The following STAU1 variants were observed in gnomAD, a reference collection of about 807,000 sequenced individuals.
The protein encoded by STAU1 is staufen double-stranded RNA binding protein 1, also known as double-stranded RNA-binding protein Staufen homolog 1.
STAU1 carries 13 observed loss-of-function variants against 62.9 expected under a neutral mutation model. The ratio of observed to expected loss-of-function variants is 0.21; its 90% confidence interval spans 0.13 to 0.33. STAU1 has a LOEUF of 0.33. Ranked by LOEUF, STAU1 falls within the 10% of genes least tolerant of loss-of-function variation. The pLI is 1.00. For missense variants in STAU1, 571 were observed against 712.1 expected (o/e 0.80, Z 2.25); for synonymous variants, 269 against 265.1 (o/e 1.01, Z -0.14).
intron 3 of STAU1, among the ~76,000 whole-genome samples, chr20:49,157,437 C>A (rs1292912067): frequency 6.6e-6 from 1 of 152,054 alleles, no homozygotes; most frequent in Non-Finnish European, 1.5e-5. Context: ...CCTCAACCTC[C>A]TGAGTAGCTG....
chr20:49,164,632 T>C (rs1233083213), intron 3 of STAU1, among the ~76,000 whole-genome samples: 1 of 151,940 alleles, frequency 6.6e-6, no homozygotes, highest in Non-Finnish European at 1.5e-5. Flanking sequence ...TTGGGCATTG[T>C]AGCTCACACC....
chr20:49,200,474 G>A, the STAU1 span, among the ~76,000 whole-genome samples: 2 of 152,020 alleles, frequency 1.3e-5, no homozygotes, highest in African/African-American at 4.8e-5. Context: ...GGTGGCGGGC[G>A]CCTGTAGTCA....
chr20:49,214,488 A>T, the STAU1 span, among the ~76,000 whole-genome samples: 8 of 148,128 alleles, frequency 5.4e-5, no homozygotes. Context: ...ATTGCATTAC[A>T]GCCTGGGTGA....
upstream of STAU1, among the ~76,000 whole-genome samples, chr20:49,188,633 G>C (rs1438695431): frequency 6.6e-6 from 1 of 152,258 alleles, no homozygotes; most frequent in Non-Finnish European, 1.5e-5. Context: ...GGGTCTGGGA[G>C]AACCCAGCCT....
chr20:49,159,230 ACT>A (rs1568901785), intron 3 of STAU1: 1 of 865,522 alleles, frequency 1.2e-6, no homozygotes, highest in Non-Finnish European at 1.4e-6. Flanking sequence ...GCTACCTGCC[ACT>A]CTGCTGCATT....
intron 4 of STAU1, 113 bp from the exon 5 acceptor site, chr20:49,151,860 T>G: frequency 1.1e-6 from 1 of 899,660 alleles, no homozygotes; most frequent in Non-Finnish European, 1.6e-6. Flanking sequence ...CATTAGTGTT[T>G]GATGCTAATC....
intron 4 of STAU1, among the ~76,000 whole-genome samples, chr20:49,152,577 T>C (rs931696613): frequency 6.6e-6 from 1 of 151,998 alleles, no homozygotes; most frequent in Non-Finnish European, 1.5e-5. Flanking sequence ...CCTGACCTCA[T>C]GATCCGCCTG....
intron 3 of STAU1, among the ~76,000 whole-genome samples, chr20:49,156,817 CT>C (rs1049331480): frequency 6.6e-6 from 1 of 151,580 alleles, no homozygotes; most frequent in Non-Finnish European, 1.5e-5. Context: ...CCTTCTTATC[CT>C]TTTTTGTTGT....
At chr20:49,160,682 C>T (rs2093434492) in intron 3 of STAU1, among the ~76,000 whole-genome samples, 1 of 152,120 alleles carries the variant, frequency 6.6e-6, no homozygotes, top group African/African-American at 2.4e-5. Context: ...CTTTCATTCT[C>T]TAAGATAAGG....
intron 1 of STAU1, among the ~76,000 whole-genome samples, chr20:49,178,592 TAAAAAA>T (rs1007441026): frequency 1.4e-5 from 2 of 147,206 alleles, no homozygotes; most frequent in African/African-American, 2.5e-5. Flanking sequence ...CTACTAAAAA[TAAAAAA>T]AAATTAGTCT....
intron 12 of STAU1, among the ~76,000 whole-genome samples, chr20:49,116,075 A>G (rs555511204): frequency 6.6e-6 from 1 of 152,258 alleles, no homozygotes; most frequent in Non-Finnish European, 1.5e-5. Context: ...ATAACCTCTG[A>G]AAATGTTATA....
chr20:49,181,256 A>G (rs528571922), intron 1 of STAU1, among the ~76,000 whole-genome samples: 17 of 152,342 alleles, frequency 1.1e-4, no homozygotes, highest in Admixed American at 8.5e-4. Flanking sequence ...TCTGCATAAA[A>G]TAACTTTCAC....
the STAU1 span, among the ~76,000 whole-genome samples, chr20:49,197,197 T>G: frequency 6.8e-6 from 1 of 147,286 alleles, no homozygotes; most frequent in African/African-American, 2.5e-5. Context: ...TCAATGTCCA[T>G]CAACCTAAGC....
the STAU1 span, among the ~76,000 whole-genome samples, chr20:49,194,505 T>C: frequency 8.7e-5 from 13 of 150,184 alleles, no homozygotes; most frequent in Middle Eastern, 3.4e-3. Flanking sequence ...ATGTCTATAA[T>C]CCCAGCACTG....
intron 2 of STAU1, among the ~76,000 whole-genome samples, chr20:49,168,538 A>C (rs999003284): frequency 3.9e-5 from 6 of 152,244 alleles, no homozygotes; most frequent in Admixed American, 3.3e-4. Flanking sequence ...CAAACCAAAA[A>C]AAAAAAGTTA....
chr20:49,123,378 T>C (rs2092514215), intron 7 of STAU1, 143 bp from the exon 8 acceptor site: 2 of 1,000,900 alleles, frequency 2.0e-6, no homozygotes, highest in Non-Finnish European at 3.0e-6. Flanking sequence ...TTTAACATTT[T>C]AACAATGAAA....
At chr20:49,207,045 C>T in the STAU1 span, among the ~76,000 whole-genome samples, 4 of 151,806 alleles carry the variant, frequency 2.6e-5, no homozygotes, top group East Asian at 1.9e-4. Context: ...TCAGCCACCT[C>T]GCCTGGCCAA....
At chr20:49,126,574 C>CAAAAAAAAAAAAAA (rs58056780) in intron 6 of STAU1, among the ~76,000 whole-genome samples, 3 of 25,014 alleles carry the variant, frequency 1.2e-4, no homozygotes, top group African/African-American at 4.2e-4. Context: ...TCTCAAAAAG[C>CAAAAAAAAAAAAAA]AAAAAAAAAA....
chr20:49,164,737 C>G (rs930509814), intron 3 of STAU1, among the ~76,000 whole-genome samples: 1 of 152,016 alleles, frequency 6.6e-6, no homozygotes, highest in Non-Finnish European at 1.5e-5. Context: ...CTACCGTACT[C>G]CAGCCTAGGC....
Sources: allele counts gnomAD v4.1 joint callset (sites outside exome capture counted in the v4.1 genomes callset), GRCh38; gene constraint gnomAD v4.1.1; transcripts MANE v1.5; gene names NCBI Gene and HGNC (gene_info 2026-07-23, HGNC 2026-07-21).